The following PIGZ variants were observed in gnomAD, a reference collection of about 807,000 sequenced individuals.
PIGZ encodes the protein GPI alpha-1,2-mannosyltransferase 4.
A neutral mutation model predicts 16.4 loss-of-function variants in PIGZ; 16 were observed. The observed-to-expected ratio is 0.97, with a 90% confidence interval of 0.66 to 1.48. The LOEUF is 1.48. Among genes scored for constraint, PIGZ ranks in the 40% most tolerant of loss-of-function variants. The pLI is 0.00. For missense variants in PIGZ, 770 were observed against 739.2 expected (o/e 1.04, Z -0.48); for synonymous variants, 409 against 338.4 (o/e 1.21, Z -2.29).
intron 1 of PIGZ, among the ~76,000 whole-genome samples, chr3:196,955,885 G>A (rs1056225547): frequency 6.6e-6 from 1 of 151,636 alleles, no homozygotes; most frequent in Non-Finnish European, 1.5e-5. Context: ...GGCCAATTTA[G>A]GGTTATTATT....
intron 1 of PIGZ, among the ~76,000 whole-genome samples, chr3:196,960,737 GAGAAAGAA>G (rs377421215): frequency 1.0e-4 from 14 of 140,394 alleles, no homozygotes; most frequent in Admixed American, 2.2e-4. Flanking sequence ...AAGAAAGAAA[GAGAAAGAA>G]AGAAAGAAAG....
rs1717877414 is a variant in PIGZ, at chr3:196,965,162, A to G, written c.-1+3525T>C. Among the ~76,000 whole-genome samples the G allele has an allele frequency of 6.6e-6, 1 of 152,240 alleles. No homozygotes were observed. On this transcript the variant is annotated intron_variant, in intron 1 of 2. Transcript: ENST00000412723. The surrounding 1 kb of genome is among the most constrained non-coding windows in gnomAD (Gnocchi z 4.2). ...TGTTAATCTATTCTCACACTGCTATAAAGAACTGCCCAAGACTGGGCAATT... is the reference window on the plus strand; with the variant it reads ...TGTTAATCTATTCTCACACTGCTATGAAGAACTGCCCAAGACTGGGCAATT...
At chr3:196,954,011 G>A (rs139778293) in intron 1 of PIGZ, among the ~76,000 whole-genome samples, 115 of 151,668 alleles carry the variant, frequency 7.6e-4, no homozygotes, top group African/African-American at 2.5e-3. Flanking sequence ...AGCCAGGTGC[G>A]GTGGCTCACA....
At chr3:196,964,281 C>T (rs186926776) in intron 1 of PIGZ, among the ~76,000 whole-genome samples, 1,649 of 152,180 alleles carry the variant, frequency 0.011, 9 homozygotes, top group Non-Finnish European at 0.016. Context: ...GATCTCCTGA[C>T]CTCGTGATCC....
rs1274208289 is a variant in PIGZ, at chr3:196,947,524, T to C, written c.1373A>G (p.Tyr458Cys). The C allele has an allele frequency of 6.2e-7, 1 of 1,613,412 alleles. No individual in the cohort carries two copies. The highest frequency in any genetic ancestry group is 2.2e-5 in the East Asian group (1 of 44,888). ...APVLPSTPTH[Y>C]TLLFTHTYMP... is the part of the protein sequence containing the mutation. ...GTAGGTGTGAGTGAAGAGGAGTGTG[T>C]AGTGGGTGGGTGTGCTTGGGAGCAC... Residue 458 changes from tyrosine to cysteine, a missense_variant, in exon 3 of 3, where the codon TAC (tyrosine) becomes TGC (cysteine). Tyr to Cys is a radical substitution (Grantham distance 194). Coordinates refer to ENST00000412723, the MANE Select transcript of PIGZ (RefSeq NM_025163.4).
intron 1 of PIGZ, among the ~76,000 whole-genome samples, chr3:196,964,297 C>T (rs1160763913): frequency 6.6e-6 from 1 of 152,150 alleles, no homozygotes; most frequent in African/African-American, 2.4e-5. Flanking sequence ...GATCCGCCCA[C>T]CTCGGCCTCC....
chr3:196,946,470 A>G lies in PIGZ; in HGVS notation c.*687T>C, dbSNP rs549742562. On this transcript the variant is annotated 3_prime_UTR_variant, in exon 3 of 3. Coordinates refer to ENST00000412723, the MANE Select transcript of PIGZ (RefSeq NM_025163.4). ...ACAACTCCCACTTCCATGCTTGAAG[A>G]GCTTTGTGAGAGCTGTGCCTGTTGA... 1 of 152,372 alleles carries G rather than the reference A, an allele frequency of 6.6e-6. No homozygotes were observed. The highest frequency in any genetic ancestry group is 1.9e-4 in the East Asian group (1 of 5,186). The allele number at this position is 152,372 out of a possible 1,614,324, so 9.4% of individuals were successfully genotyped here.
chr3:196,967,462 A>T (rs1479488348), intron 1 of PIGZ, among the ~76,000 whole-genome samples: 1 of 152,148 alleles, frequency 6.6e-6, no homozygotes, highest in Non-Finnish European at 1.5e-5. Flanking sequence ...CCTTTGTCTG[A>T]ATCTGGCATT....
Position 196,948,282 on chromosome 3 carries a change from C to G in PIGZ, c.615G>C (p.Pro205=). The change falls in exon 3 of 3, where the codon CCG becomes CCC. Residue 205 remains proline, a synonymous_variant. Transcript: ENST00000412723. The part of the protein sequence containing the change: ...HVTWGPTRKE[P]APGPRWRSWL... ...AGCTGCGCCACCGTGGACCCGGCGCCGGCTCCTTGCGTGTAGGGCCCCACG... is the reference window on the plus strand; with the variant it reads ...AGCTGCGCCACCGTGGACCCGGCGCGGGCTCCTTGCGTGTAGGGCCCCACG... 1 of 1,614,106 alleles carries G rather than the reference C, an allele frequency of 6.2e-7. No homozygotes were observed. The highest frequency in any genetic ancestry group is 8.5e-7 in the Non-Finnish European group (1 of 1,180,020).
intron 1 of PIGZ, among the ~76,000 whole-genome samples, chr3:196,960,690 A>C (rs1717675509): frequency 6.6e-6 from 1 of 150,848 alleles, no homozygotes; most frequent in African/African-American, 2.4e-5. Context: ...AAAAAGATGA[A>C]AGAAAGAAAG....
At chr3:196,967,905 C>CGAGT (rs1418511722) in intron 1 of PIGZ, among the ~76,000 whole-genome samples, 2 of 152,214 alleles carry the variant, frequency 1.3e-5, no homozygotes, top group African/African-American at 4.8e-5. Context: ...GTGGGGACTC[C>CGAGT]GCTCTGTAGC....
At position 196,965,395 on chromosome 3, in the gene PIGZ, C is replaced by A. The variant is rs1018471659; in HGVS notation, c.-1+3292G>T. Among the ~76,000 whole-genome samples the A allele has an allele frequency of 1.3e-5, 2 of 152,132 alleles. No homozygotes were observed. The highest frequency in any genetic ancestry group is 2.9e-5 in the Non-Finnish European group (2 of 68,042). On this transcript the variant is annotated intron_variant, in intron 1 of 2. Transcript: ENST00000412723. This position sits in a 1 kb window ranked among gnomAD's most constrained non-coding sequence, Gnocchi z 4.2. ...CGAAGAACAGCGTGGGGGAAACCAC[C>A]CCATGATCCGATCCTCTCCCACCGG...
At chr3:196,963,853 T>C (rs780387566) in intron 1 of PIGZ, among the ~76,000 whole-genome samples, 1 of 152,216 alleles carries the variant, frequency 6.6e-6, no homozygotes, top group African/African-American at 2.4e-5. Flanking sequence ...TAAATGTCAA[T>C]GTTCCTGGTC....
rs368445115 is a variant in PIGZ at position 196,948,130 on chromosome 3, C to T, written c.767G>A (p.Arg256Gln). Residue 256 changes from arginine (R) to glutamine (Q), a missense_variant, in exon 3 of 3, where the codon CGG becomes CAG. Transcript: ENST00000412723. Reference sequence around the variant, plus strand: ...CCCAGGGAGCAGCACCAGGGCCTCCCGGGTCAGAGACTTCAAACCAGGGTT... The same window carrying T: ...CCCAGGGAGCAGCACCAGGGCCTCCTGGGTCAGAGACTTCAAACCAGGGTT... ...ATNPGLKSLT[R>Q]EALVLLPGAA... 3.7e-5 allele frequency: 60 copies of T among 1,603,104 alleles called. No homozygotes were observed. Among genetic ancestry groups the T allele is most frequent in the African/African-American group, 5.4e-5 (4 of 74,662 alleles).
rs1478570175 is a variant in PIGZ, at chr3:196,947,348, A to T, written c.1549T>A (p.Cys517Ser). The change falls in exon 3 of 3, where the codon TGC becomes AGC. Residue 517 changes from cysteine to serine, a missense_variant. Physicochemically the swap from Cys to Ser is moderately radical, Grantham distance 112. Coordinates refer to ENST00000412723, the MANE Select transcript of PIGZ (RefSeq NM_025163.4). ...ACQVAGGPWL[C>S]RLFVVTPGTT... ...CCAGGGGTTACCACAAAGAGGCGGC[A>T]GAGCCATGGCCCACCAGCCACTTGG... 1.2e-6 allele frequency: 2 copies of T among 1,614,114 alleles called. No homozygotes were observed. Among genetic ancestry groups the T allele is most frequent in the Non-Finnish European group, 1.7e-6 (2 of 1,180,054 alleles).
rs930690822 is a variant in PIGZ, at chr3:196,946,751, G to A, written c.*406C>T. 5.5e-5 allele frequency: 9 copies of A among 163,620 alleles called. No individual in the cohort carries two copies. The highest frequency in any genetic ancestry group is 1.2e-4 in the Non-Finnish European group (9 of 76,122). 10.1% of individuals were successfully genotyped at this position (163,620 alleles called of 1,614,324 possible). ...GCAGATGGGTCTTAGGAAGCCAGAG[G>A]GTTGTCATGACAGCAAGGGTAAGGC... On this transcript the variant is annotated 3_prime_UTR_variant, in exon 3 of 3. Coordinates refer to ENST00000412723, the MANE Select transcript of PIGZ (RefSeq NM_025163.4).
intron 1 of PIGZ, among the ~76,000 whole-genome samples, chr3:196,953,681 A>G (rs1426269930): frequency 6.6e-6 from 1 of 152,154 alleles, no homozygotes; most frequent in Non-Finnish European, 1.5e-5. Context: ...ACTTCTTGAT[A>G]TTTTAAATTC....
chr3:196,950,775 C>T (rs1359736675), intron 2 of PIGZ, among the ~76,000 whole-genome samples: 6 of 144,900 alleles, frequency 4.1e-5, no homozygotes, highest in African/African-American at 7.7e-5. Context: ...GATGGAGTCT[C>T]GCTCTGTTGC....
rs75280702 is a variant in PIGZ at position 196,956,718 on chromosome 3, C to A, written c.1-4687G>T. Among the ~76,000 whole-genome samples, 8 of 152,314 alleles carry A rather than the reference C, an allele frequency of 5.3e-5. No homozygotes were observed. In the East Asian group the frequency reaches 1.5e-3, roughly 29 times the overall value. On this transcript the variant is annotated intron_variant, in intron 1 of 2. Transcript: ENST00000412723. Reference sequence around the variant, plus strand: ...TCTATCTTCCATGTCTCTAATCATCCTTTCAGCTGTATCTAGATGTTAAAC... The same window carrying A: ...TCTATCTTCCATGTCTCTAATCATCATTTCAGCTGTATCTAGATGTTAAAC...
Sources: gnomAD v4.1 joint callset for allele counts (sites outside exome capture counted in the v4.1 genomes callset) on GRCh38, gnomAD v4.1.1 for gene constraint, Gnocchi (gnomAD v3.1) non-coding constraint, MANE v1.5 for transcripts, NCBI Gene and HGNC (gene_info 2026-07-23, HGNC 2026-07-21) for gene names.